The following ACSF2 variants were observed in gnomAD, a reference collection of about 807,000 sequenced individuals.
ACSF2 encodes medium-chain acyl-CoA ligase ACSF2, mitochondrial.
In ACSF2, 52 loss-of-function variants were observed where a neutral mutation model predicts 79.3. That is an observed-to-expected ratio of 0.66 (90% CI 0.53 to 0.83). The LOEUF is 0.83. ACSF2 is among the 40% of genes least tolerant of loss of function. The pLI is 0.00. For synonymous variants in ACSF2, 283 were observed against 312.6 expected (o/e 0.91, Z 1.00); for missense variants, 661 against 803.3 (o/e 0.82, Z 2.14).
chr17:50,471,113 GCAGAATTATGCC>G lies in ACSF2; in HGVS notation c.1302_1313del (p.Arg435_Pro438del). ...GTGGAGCAGAAGGCAGAAAGCGTGG[GCAGAATTATGCC>G]TCACACGGAGGTGAGCCCCTGACCA... On this transcript the variant is annotated inframe_deletion, in exon 11 of 16. Coordinates refer to ENST00000300441, the MANE Select transcript of ACSF2 (RefSeq NM_025149.6). The surrounding 1 kb of genome is among the most constrained non-coding windows in gnomAD (Gnocchi z 4.1). The G allele has an allele frequency of 6.2e-7, 1 of 1,614,038 alleles. No homozygotes were observed. Among genetic ancestry groups the G allele is most frequent in the South Asian group, 1.1e-5 (1 of 91,050 alleles).
At chr17:50,460,948 C>T (rs1257496878) in intron 2 of ACSF2, 76 bp downstream of exon 2, 11 of 1,482,176 alleles carry the variant, frequency 7.4e-6, no homozygotes, top group South Asian at 2.6e-5. Context: ...GAACCAGGAG[C>T]GTGGGCACCT....
At chr17:50,432,201 C>T (rs1034515922) in intron 1 of ACSF2, among the ~76,000 whole-genome samples, 3 of 152,272 alleles carry the variant, frequency 2.0e-5, no homozygotes, top group Non-Finnish European at 4.4e-5. Flanking sequence ...ACACGCCTGG[C>T]CTTGACTTTT....
chr17:50,439,639 C>T (rs2030736177), intron 1 of ACSF2, among the ~76,000 whole-genome samples: 1 of 152,160 alleles, frequency 6.6e-6, no homozygotes, highest in Non-Finnish European at 1.5e-5. Flanking sequence ...CCAAGTTTTG[C>T]TATTTTCCCA....
chr17:50,466,640 G>C (rs2032749431), intron 10 of ACSF2, among the ~76,000 whole-genome samples: 1 of 152,214 alleles, frequency 6.6e-6, no homozygotes, highest in South Asian at 2.1e-4. Context: ...CACAGTCCCA[G>C]GGTCCCAGGA....
intron 10 of ACSF2, among the ~76,000 whole-genome samples, chr17:50,467,683 G>A (rs891793048): frequency 6.6e-6 from 1 of 152,202 alleles, no homozygotes; most frequent in Admixed American, 6.5e-5. Context: ...TACTGGAGAC[G>A]GGAAAAACAG....
Position 50,471,270 on chromosome 17 carries a change from G to A in ACSF2, c.1323+135G>A, listed in dbSNP as rs1400322622. The A allele has an allele frequency of 1.4e-6, 1 of 701,610 alleles. No individual in the cohort carries two copies. Among genetic ancestry groups the A allele is most frequent in the African/African-American group, 1.8e-5 (1 of 56,358 alleles). The allele number at this position is 701,610 out of a possible 1,614,324, so 43.5% of individuals were successfully genotyped here. On this transcript the variant is annotated intron_variant, in intron 11 of 15. Transcript: ENST00000300441. This position sits in a 1 kb window ranked among gnomAD's most constrained non-coding sequence, Gnocchi z 4.1. ...ATGCCTAGAGCCCCCCAGCAGCAGG[G>A]GTGTGCTAGGCCTGGCCCGGAGTGT...
chr17:50,465,440 C>T lies in ACSF2; in HGVS notation c.1215+1146C>T, dbSNP rs748279813. 6.8e-6 allele frequency: 11 copies of T among 1,613,554 alleles called. No individual in the cohort carries two copies. In the Admixed American group the frequency reaches 1.7e-4, roughly 24 times the overall value. ...GCGGGAGGCCTTGGCTTCCAGCCAC[C>T]TGGAGAGACAGAAACTTGCTGGGGC... On this transcript the variant is annotated intron_variant, in intron 10 of 15. Coordinates refer to ENST00000300441, the MANE Select transcript of ACSF2 (RefSeq NM_025149.6).
intron 10 of ACSF2, chr17:50,465,861 C>A: frequency 6.2e-7 from 1 of 1,613,760 alleles, no homozygotes; most frequent in Non-Finnish European, 8.5e-7. Context: ...AGGAAGGCAC[C>A]ATCTGAGAAC....
At chr17:50,456,595 G>T (rs1032919284) in intron 1 of ACSF2, among the ~76,000 whole-genome samples, 14 of 152,126 alleles carry the variant, frequency 9.2e-5, no homozygotes, top group Non-Finnish European at 1.6e-4. Context: ...AGCCGGGCGT[G>T]GTGGCGCATG....
intron 13 of ACSF2, 34 bp from the exon 14 acceptor site, chr17:50,473,860 G>C (rs758979465): frequency 6.2e-7 from 1 of 1,609,106 alleles, no homozygotes. Flanking sequence ...ACATGAACAC[G>C]GTGATGTCTG....
At chr17:50,442,305 CA>C in intron 1 of ACSF2, among the ~76,000 whole-genome samples, 1 of 143,656 alleles carries the variant, frequency 7.0e-6, no homozygotes, top group South Asian at 2.2e-4. Context: ...AACTCCATCC[CA>C]AAAAAACAAA....
chr17:50,455,659 G>C (rs571474307), intron 1 of ACSF2, among the ~76,000 whole-genome samples: 1 of 152,280 alleles, frequency 6.6e-6, no homozygotes, highest in South Asian at 2.1e-4. Context: ...GGAAGTTCCT[G>C]AGCAGGCAGC....
rs565181108 is a variant in ACSF2, at chr17:50,454,660, C to A, written c.129-6017C>A. The stretch of plus-strand genomic sequence containing the variant: ...TCTCTTTAAACCCCACTGGCCAGGA[C>A]CTCACCATCTGGCCAGATCGGCTGC... On this transcript the variant is annotated intron_variant, in intron 1 of 15. Transcript: ENST00000300441. 2.0e-5 allele frequency among the ~76,000 whole-genome samples: 3 copies of A among 152,298 alleles called. No homozygotes were observed. The East Asian group carries it at 5.8e-4, about 29-fold the overall frequency.
intron 10 of ACSF2, chr17:50,468,586 G>T: frequency 1.2e-6 from 2 of 1,614,200 alleles, no homozygotes; most frequent in Non-Finnish European, 1.7e-6. Context: ...ATGACACGAG[G>T]TTCGGCATGG....
At chr17:50,458,582 C>A (rs1208583265) in intron 1 of ACSF2, among the ~76,000 whole-genome samples, 1 of 152,218 alleles carries the variant, frequency 6.6e-6, no homozygotes, top group Non-Finnish European at 1.5e-5. Flanking sequence ...GCTTTCTAAA[C>A]ATACATTCAT....
rs1210534528 is a variant in ACSF2, at chr17:50,473,809, G to A, written c.1617+3G>A. ...ACCCGAAGGTGCAGGAAGTGCAGGT[G>A]AGGCACTTGGCTCAGGTGAGCCCCC... On this transcript the variant is annotated splice_donor_region_variant and intron_variant, in intron 13 of 15. Transcript: ENST00000300441. 1.7e-5 allele frequency: 28 copies of A among 1,614,222 alleles called. No homozygotes were observed. The highest frequency in any genetic ancestry group is 2.3e-5 in the Non-Finnish European group (27 of 1,180,014).
chr17:50,438,573 C>CTT (rs1033355113), intron 1 of ACSF2, among the ~76,000 whole-genome samples: 1 of 150,900 alleles, frequency 6.6e-6, no homozygotes, highest in African/African-American at 2.4e-5. Flanking sequence ...TTTTCTTTTT[C>CTT]TTTTTTTTTG....
intron 10 of ACSF2, among the ~76,000 whole-genome samples, chr17:50,466,281 C>T (rs888314500): frequency 1.1e-4 from 16 of 151,828 alleles, no homozygotes; most frequent in Admixed American, 9.8e-4. Flanking sequence ...AGTAGAGACG[C>T]AGTTTCACCA....
intron 10 of ACSF2, among the ~76,000 whole-genome samples, chr17:50,466,299 C>T (rs577631375): frequency 2.9e-4 from 44 of 152,160 alleles, no homozygotes; most frequent in Admixed American, 5.9e-4. Context: ...CCATGTTAGC[C>T]AGGATGGTCT....
Sources: allele counts gnomAD v4.1 joint callset (sites outside exome capture counted in the v4.1 genomes callset), GRCh38; gene constraint gnomAD v4.1.1; non-coding constraint Gnocchi (gnomAD v3.1); transcripts MANE v1.5; gene names NCBI Gene and HGNC (gene_info 2026-07-23, HGNC 2026-07-21).